DNAH14: variants seen among roughly 807,000 people sequenced by gnomAD.
The protein encoded by DNAH14 is axonemal beta dynein heavy chain 14.
In DNAH14, 478 loss-of-function variants were observed where a neutral mutation model predicts 520.9. That is an observed-to-expected ratio of 0.92 (90% CI 0.85 to 0.99). The LOEUF (loss-of-function observed/expected upper bound fraction) is 0.99, where lower values mean the gene tolerates loss of function less well. DNAH14 is among the 50% of genes least tolerant of loss of function. The probability of loss-of-function intolerance (pLI) is 0.00; values close to 1 mark genes in which losing one functional copy is unlikely to be tolerated. For synonymous variants in DNAH14, 1,581 were observed against 1,757.2 expected (o/e 0.90, Z 2.51); for missense variants, 4,831 against 5,234.5 (o/e 0.92, Z 2.38).
chr1:224,949,378 A>T lies in DNAH14; in HGVS notation c.-33-3292A>T, dbSNP rs544706936. The stretch of plus-strand genomic sequence containing the variant: ...TGTGGCTGCTCATATGTATGTATAT[A>T]TATGAACATATGTTCATTCTGCTTA... On this transcript the variant is annotated intron_variant, in intron 1 of 85. Coordinates refer to ENST00000682510, the MANE Select transcript of DNAH14 (RefSeq NM_001367479.1). Among the ~76,000 whole-genome samples, 57 of 152,236 alleles carry T rather than the reference A, an allele frequency of 3.7e-4. 1 individual carries two copies. Among genetic ancestry groups the T allele is most frequent in the Admixed American group, 2.7e-3 (41 of 15,286 alleles).
chr1:225,002,101 C>A (rs1299530319), intron 8 of DNAH14, among the ~76,000 whole-genome samples: 1 of 152,020 alleles, frequency 6.6e-6, no homozygotes, highest in East Asian at 1.9e-4. Flanking sequence ...AAAAATCAGC[C>A]ACTCCAAAGG....
intron 72 of DNAH14, 86 bp downstream of exon 72, chr1:225,351,969 T>G: frequency 9.2e-7 from 1 of 1,081,120 alleles, no homozygotes; most frequent in East Asian, 2.6e-5. Context: ...TACATTATCT[T>G]ACATTATGAA....
Position 225,097,144 on chromosome 1 carries a change from C to T in DNAH14, c.3600C>T (p.Asn1200=). The T allele has an allele frequency of 6.5e-7, 1 of 1,549,802 alleles. No homozygotes were observed. Among genetic ancestry groups the T allele is most frequent in the Non-Finnish European group, 8.7e-7 (1 of 1,145,996 alleles). The change falls in exon 22 of 86, where the codon AAC becomes AAT. Residue 1200 remains asparagine (N), a synonymous_variant. Transcript: ENST00000682510. The part of the protein sequence containing the change: ...IKDLVNEWDQ[N]LTLFSYTLEE... The stretch of plus-strand genomic sequence containing the variant: ...ATCTTGTGAATGAATGGGATCAAAA[C>T]TTGACTCTCTTCTCTTACACCCTTG...
chr1:224,974,196 T>C, intron 8 of DNAH14, 43 bp downstream of exon 8: 7 of 1,334,054 alleles, frequency 5.2e-6, no homozygotes, highest in Non-Finnish European at 7.0e-6. Flanking sequence ...AAAAGGAAGC[T>C]GTATGTTTTA....
intron 7 of DNAH14, among the ~76,000 whole-genome samples, chr1:224,973,103 G>C (rs16858965): frequency 1.3e-5 from 2 of 152,094 alleles, no homozygotes; most frequent in African/African-American, 4.8e-5. Flanking sequence ...CTTTGGAGCC[G>C]GATTTAAGGT....
chr1:224,997,448 T>C (rs1459955820), intron 8 of DNAH14, among the ~76,000 whole-genome samples: 1 of 152,004 alleles, frequency 6.6e-6, no homozygotes, highest in Non-Finnish European at 1.5e-5. Context: ...GTTTGTTTGT[T>C]TGTTTGTTTG....
chr1:225,357,929 T>C, intron 73 of DNAH14: 1 of 688,182 alleles, frequency 1.5e-6, no homozygotes. Context: ...AAATTTTCAA[T>C]GATTTCCAGT....
intron 23 of DNAH14, among the ~76,000 whole-genome samples, chr1:225,116,435 T>A (rs2076879183): frequency 6.6e-6 from 1 of 152,062 alleles, no homozygotes; most frequent in Admixed American, 6.6e-5. Flanking sequence ...TGAAAGAAGG[T>A]AGAGCTTGGA....
At chr1:225,256,903 T>A (rs655529) in intron 44 of DNAH14, among the ~76,000 whole-genome samples, 31,083 of 149,296 alleles carry the variant, frequency 0.21, 3,355 homozygotes, top group East Asian at 0.37. Context: ...TTTGCTATTT[T>A]AAAAAAAAAA....
At chr1:225,350,482 G>A (rs148205614) in intron 71 of DNAH14, among the ~76,000 whole-genome samples, 32 of 151,900 alleles carry the variant, frequency 2.1e-4, no homozygotes, top group African/African-American at 7.5e-4. Context: ...GTTTTGAAAA[G>A]ATCAATAAAA....
intron 23 of DNAH14, among the ~76,000 whole-genome samples, chr1:225,114,149 C>A (rs1253994429): frequency 6.6e-6 from 1 of 152,178 alleles, no homozygotes; most frequent in African/African-American, 2.4e-5. Flanking sequence ...CATGTACTAC[C>A]TGGCTACTGT....
intron 61 of DNAH14, among the ~76,000 whole-genome samples, chr1:225,322,085 CTT>C (rs3047035): frequency 6.2e-4 from 56 of 90,170 alleles, no homozygotes; most frequent in African/African-American, 2.1e-3. Flanking sequence ...TTTTTTCTTT[CTT>C]TTTTTTTTTT....
intron 71 of DNAH14, among the ~76,000 whole-genome samples, chr1:225,350,088 G>A (rs373792981): frequency 6.6e-6 from 1 of 152,104 alleles, no homozygotes; most frequent in African/African-American, 2.4e-5. Context: ...CATACCAAGT[G>A]TATTTGCCAA....
At chr1:225,093,217 T>C (rs530386965) in intron 21 of DNAH14, among the ~76,000 whole-genome samples, 1 of 151,614 alleles carries the variant, frequency 6.6e-6, no homozygotes, top group African/African-American at 2.4e-5. Flanking sequence ...GCCAATATCC[T>C]TGACAAACAT....
intron 23 of DNAH14, among the ~76,000 whole-genome samples, chr1:225,113,305 T>G (rs539474984): frequency 6.6e-6 from 1 of 152,320 alleles, no homozygotes; most frequent in Admixed American, 6.5e-5. Context: ...GAGATTCTTG[T>G]TCTCTTCCCT....
At chr1:225,369,092 TAA>T (rs771712417) in intron 77 of DNAH14, among the ~76,000 whole-genome samples, 9 of 151,314 alleles carry the variant, frequency 5.9e-5, no homozygotes, top group Non-Finnish European at 1.3e-4. Context: ...TCAAAGAAAA[TAA>T]AAGTCACCTT....
intron 17 of DNAH14, among the ~76,000 whole-genome samples, chr1:225,055,838 A>T (rs938088543): frequency 2.0e-5 from 3 of 152,052 alleles, no homozygotes; most frequent in African/African-American, 7.2e-5. Context: ...TTCCAGCTTC[A>T]TCCATGTCCC....
intron 42 of DNAH14, among the ~76,000 whole-genome samples, chr1:225,234,483 T>C (rs1290929050): frequency 6.6e-6 from 1 of 152,126 alleles, no homozygotes; most frequent in Non-Finnish European, 1.5e-5. Context: ...CCACTGTGCC[T>C]GGCCAGCTTT....
At chr1:225,188,366 T>C (rs950689047) in intron 37 of DNAH14, among the ~76,000 whole-genome samples, 1 of 151,980 alleles carries the variant, frequency 6.6e-6, no homozygotes, top group African/African-American at 2.4e-5. Context: ...TAAGGCATTT[T>C]GTGGGAAACA....
Sources: allele counts gnomAD v4.1 joint callset (sites outside exome capture counted in the v4.1 genomes callset), GRCh38; gene constraint gnomAD v4.1.1; transcripts MANE v1.5; gene names NCBI Gene and HGNC (gene_info 2026-07-23, HGNC 2026-07-21).